WDR4: variants seen among roughly 807,000 people sequenced by gnomAD.
WDR4 encodes the protein tRNA (guanine-N(7)-)-methyltransferase non-catalytic subunit WDR4.
Under a neutral mutation model 48.6 loss-of-function variants are expected in WDR4, and 47 were observed. That is an observed-to-expected ratio of 0.97 (90% CI 0.77 to 1.23). The LOEUF (loss-of-function observed/expected upper bound fraction) is 1.23, where lower values mean the gene tolerates loss of function less well. Among genes scored for constraint, WDR4 ranks in the 50% most tolerant of loss-of-function variants. The pLI is 0.00. For missense variants in WDR4, 606 were observed against 551.6 expected, an observed-to-expected ratio of 1.10 and a Z score of -0.99; for synonymous variants, 268 against 230.0, an observed-to-expected ratio of 1.17 and a Z score of -1.49.
At chr21:42,852,069 G>A (rs1271932365) in intron 10 of WDR4, among the ~76,000 whole-genome samples, 186 bp downstream of exon 10, 2 of 152,200 alleles carry the variant, frequency 1.3e-5, no homozygotes, top group African/African-American at 2.4e-5. Flanking sequence ...CCCATGGGGG[G>A]CTCCTTCTTC....
intron 10 of WDR4, 73 bp downstream of exon 10, chr21:42,852,182 G>A: frequency 1.3e-6 from 2 of 1,513,432 alleles, no homozygotes; most frequent in Non-Finnish European, 1.8e-6. Context: ...GCAGGTCACA[G>A]TGTGTGCTTC....
chr21:42,852,142 C>A, intron 10 of WDR4, 113 bp downstream of exon 10: 1 of 1,110,714 alleles, frequency 9.0e-7, no homozygotes, highest in Non-Finnish European at 1.3e-6. Flanking sequence ...CGCTTACTCT[C>A]CCTCTTTATC....
intron 8 of WDR4, 152 bp downstream of exon 8, chr21:42,854,410 T>A: frequency 1.3e-6 from 1 of 771,374 alleles, no homozygotes; most frequent in East Asian, 2.9e-5. Context: ...GCAGCAGTCA[T>A]CAAAAGTGAC....
Position 42,870,448 on chromosome 21 carries a change from T to A in WDR4, c.296+3103A>T, listed in dbSNP as rs536346805. ...TCACAAGACACCCAAGCGGCTCTTG[T>A]GCACTATGCCTATGCCAAAGCTCAG... On this transcript the variant is annotated intron_variant, in intron 3 of 10. Transcript: ENST00000398208. 7.2e-5 allele frequency among the ~76,000 whole-genome samples: 11 copies of A among 152,278 alleles called. No homozygotes were observed. In the South Asian group the frequency reaches 1.9e-3, roughly 26 times the overall value.
At chr21:42,860,345 G>A (rs1229734414) in intron 5 of WDR4, among the ~76,000 whole-genome samples, 1 of 152,202 alleles carries the variant, frequency 6.6e-6, no homozygotes, top group Non-Finnish European at 1.5e-5. Flanking sequence ...AAAGTCACAG[G>A]GACCCTCCCA....
At chr21:42,868,295 G>A (rs572217413) in intron 3 of WDR4, among the ~76,000 whole-genome samples, 1 of 152,326 alleles carries the variant, frequency 6.6e-6, no homozygotes, top group South Asian at 2.1e-4. Flanking sequence ...TCTCTCCCAA[G>A]TTCAAAGTGA....
At chr21:42,881,777 C>T (rs1288754313), upstream of WDR4, among the ~76,000 whole-genome samples, 1 of 152,164 alleles carries the variant, frequency 6.6e-6, no homozygotes, top group Non-Finnish European at 1.5e-5. Flanking sequence ...AGATATAGAT[C>T]AACAAGCTCA....
At chr21:42,863,975 C>G (rs375691931) in intron 3 of WDR4, among the ~76,000 whole-genome samples, 1 of 82,010 alleles carries the variant, frequency 1.2e-5, no homozygotes, top group Non-Finnish European at 2.3e-5. Context: ...GGCGTGGTGG[C>G]GGGCGCCTGT....
intron 3 of WDR4, among the ~76,000 whole-genome samples, chr21:42,872,493 C>T (rs905197051): frequency 1.3e-5 from 2 of 151,642 alleles, no homozygotes; most frequent in African/African-American, 4.8e-5. Flanking sequence ...CACCTATAGT[C>T]CCAGCTACTC....
upstream of WDR4, chr21:42,879,588 A>C: frequency 6.7e-7 from 1 of 1,498,864 alleles, no homozygotes; most frequent in African/African-American, 1.4e-5. Context: ...ACGCCGAGAG[A>C]TGACGTATAC....
intron 10 of WDR4, among the ~76,000 whole-genome samples, chr21:42,851,381 C>T (rs1894154056): frequency 2.0e-5 from 3 of 152,192 alleles, no homozygotes; most frequent in African/African-American, 7.2e-5. Context: ...GCAGAGCCAG[C>T]GTGCCGCCAC....
At chr21:42,858,016 C>G (rs768597629) in intron 6 of WDR4, among the ~76,000 whole-genome samples, 2 of 151,988 alleles carry the variant, frequency 1.3e-5, no homozygotes, top group Middle Eastern at 3.2e-3. Flanking sequence ...TGCTTGAGCC[C>G]GGGAGGCAGA....
intron 3 of WDR4, among the ~76,000 whole-genome samples, chr21:42,870,785 G>T (rs530000132): frequency 6.6e-6 from 1 of 151,804 alleles, no homozygotes; most frequent in South Asian, 2.1e-4. Flanking sequence ...GTGAAACTCC[G>T]TCTCAAATTA....
rs1350704425 is a variant in WDR4, at chr21:42,879,405, A to C, written c.89+2T>G. On this transcript the variant is annotated splice_donor_variant, in intron 1 of 10. Transcript: ENST00000398208. LOFTEE classifies it high-confidence loss of function. ...CCTGTTCCAAGACCAAGGCCCCCTC[A>C]CCTGCTTGCTATGGAGGTGGCCAGG... The C allele has an allele frequency of 6.2e-7, 1 of 1,613,472 alleles. No homozygotes were observed. The highest frequency in any genetic ancestry group is 1.1e-5 in the South Asian group (1 of 91,054).
chr21:42,844,796 C>T (rs1377373137), downstream of WDR4, among the ~76,000 whole-genome samples: 5 of 152,218 alleles, frequency 3.3e-5, no homozygotes, highest in East Asian at 1.9e-4. Flanking sequence ...TCCTTCCCAC[C>T]GTGGTGAATG....
intron 1 of WDR4, chr21:42,878,883 G>C: frequency 1.1e-6 from 1 of 896,578 alleles, no homozygotes; most frequent in Non-Finnish European, 1.3e-6. Context: ...AGCAATTAAG[G>C]CCAGGTGAGT....
the WDR4 span, among the ~76,000 whole-genome samples, chr21:42,892,286 A>AG: frequency 6.8e-6 from 1 of 147,482 alleles, no homozygotes; most frequent in East Asian, 2.0e-4. Flanking sequence ...CAAAAAAAAA[A>AG]TCTTTTGGCA....
At chr21:42,875,874 C>G (rs561841837) in intron 2 of WDR4, among the ~76,000 whole-genome samples, 2 of 149,254 alleles carry the variant, frequency 1.3e-5, no homozygotes, top group South Asian at 4.2e-4. Context: ...GATGTGATTA[C>G]TGACAGAAAC....
downstream of WDR4, among the ~76,000 whole-genome samples, chr21:42,846,761 C>A (rs1485516373): frequency 6.6e-6 from 1 of 152,078 alleles, no homozygotes; most frequent in Non-Finnish European, 1.5e-5. Flanking sequence ...GTGGCTGACA[C>A]CTATAATCCC....
Sources: gnomAD v4.1 joint callset for allele counts (sites outside exome capture counted in the v4.1 genomes callset) on GRCh38, gnomAD v4.1.1 for gene constraint, MANE v1.5 for transcripts, NCBI Gene and HGNC (gene_info 2026-07-23, HGNC 2026-07-21) for gene names.